Variants in STPG2 observed in about 807,000 individuals in gnomAD.
STPG2 encodes sperm tail PG-rich repeat containing 2.
Under a neutral mutation model 54.2 loss-of-function variants are expected in STPG2, and 56 were observed. The observed-to-expected ratio is 1.03, with a 90% CI of 0.83 to 1.29. The LOEUF (loss-of-function observed/expected upper bound fraction) is 1.29. Ranked by LOEUF, STPG2 falls within the 50% of genes most tolerant of loss-of-function variation. The probability of loss-of-function intolerance (pLI) is 0.00; values close to 1 mark genes in which losing one functional copy is unlikely to be tolerated. For synonymous variants in STPG2, 200 were observed against 181.8 expected (o/e 1.10, Z -0.81); for missense variants, 596 against 544.9 (o/e 1.09, Z -0.93).
chr4:97,807,940 T>A (rs562547038), intron 9 of STPG2, among the ~76,000 whole-genome samples: 3 of 152,106 alleles, frequency 2.0e-5, no homozygotes, highest in African/African-American at 7.2e-5. Context: ...AATATTTAAA[T>A]AGACAGTATT....
intron 9 of STPG2, among the ~76,000 whole-genome samples, chr4:97,799,735 G>C (rs992097446): frequency 6.6e-6 from 1 of 151,790 alleles, no homozygotes; most frequent in Non-Finnish European, 1.5e-5. Flanking sequence ...GGCCTGCCTT[G>C]CTAGGTTGGC....
intron 8 of STPG2, among the ~76,000 whole-genome samples, chr4:97,937,913 G>T (rs1034070175): frequency 5.9e-5 from 9 of 152,200 alleles, no homozygotes; most frequent in Non-Finnish European, 1.0e-4. Flanking sequence ...GCTGTCGCTT[G>T]GTTGAGGGGG....
At chr4:97,941,813 T>C (rs973062176) in intron 8 of STPG2, among the ~76,000 whole-genome samples, 2 of 152,010 alleles carry the variant, frequency 1.3e-5, no homozygotes, top group African/African-American at 4.8e-5. Context: ...TACATACACA[T>C]TATACACCCA....
chr4:97,511,995 AAAG>A (rs1360177554), intron 4 of STPG2, among the ~76,000 whole-genome samples: 1 of 152,130 alleles, frequency 6.6e-6, no homozygotes, highest in Non-Finnish European at 1.5e-5. Flanking sequence ...CTTTACTAGG[AAAG>A]GACCTGCATG....
chr4:97,935,968 T>C (rs1196357779), intron 8 of STPG2, among the ~76,000 whole-genome samples: 1 of 150,632 alleles, frequency 6.6e-6, no homozygotes, highest in Non-Finnish European at 1.5e-5. Context: ...GTCTAATGTT[T>C]ACAGTGAGGT....
At chr4:97,879,432 C>T (rs766017636) in intron 8 of STPG2, among the ~76,000 whole-genome samples, 19 of 152,050 alleles carry the variant, frequency 1.2e-4, no homozygotes, top group Non-Finnish European at 2.2e-4. Context: ...TGGGGGAGGC[C>T]TCACAATCAT....
At chr4:98,025,651 G>A (rs1051507485) in intron 5 of STPG2, 1 of 911,906 alleles carries the variant, frequency 1.1e-6, no homozygotes, top group Non-Finnish European at 1.8e-6. Context: ...ATGGTATGAA[G>A]GATGGCCTAA....
chr4:97,935,147 G>A (rs1399201343), intron 8 of STPG2, among the ~76,000 whole-genome samples: 2 of 152,126 alleles, frequency 1.3e-5, no homozygotes, highest in Non-Finnish European at 2.9e-5. Context: ...TTGCATAGAG[G>A]TGTTTATAGT....
intron 5 of STPG2, among the ~76,000 whole-genome samples, chr4:97,994,743 T>C (rs548412538): frequency 2.0e-5 from 3 of 152,258 alleles, no homozygotes; most frequent in South Asian, 4.1e-4. Flanking sequence ...CTTGATTGTA[T>C]TTTTGTTAAG....
intron 5 of STPG2, among the ~76,000 whole-genome samples, chr4:98,057,710 A>AGT (rs1276626275): frequency 6.6e-6 from 1 of 152,192 alleles, no homozygotes; most frequent in African/African-American, 2.4e-5. Context: ...AGAGAACCCC[A>AGT]GTAAGATATT....
chr4:97,591,124 T>A (rs1252661918), intron 10 of STPG2, among the ~76,000 whole-genome samples: 2 of 152,120 alleles, frequency 1.3e-5, no homozygotes, highest in Non-Finnish European at 2.9e-5. Context: ...ACAGAAGATA[T>A]TAATATTAGT....
intron 5 of STPG2, among the ~76,000 whole-genome samples, chr4:97,994,970 TTGCTGTGGC>T (rs915197153): frequency 7.9e-5 from 12 of 152,088 alleles, no homozygotes; most frequent in African/African-American, 2.9e-4. Flanking sequence ...TGGGTAGGAC[TTGCTGTGGC>T]TGCTGTGAGA....
chr4:97,908,763 G>T (rs1306007504), intron 8 of STPG2, among the ~76,000 whole-genome samples: 4 of 148,746 alleles, frequency 2.7e-5, no homozygotes, highest in Non-Finnish European at 5.9e-5. Flanking sequence ...ACTATCGCAA[G>T]AACAAAAAAC....
intron 9 of STPG2, among the ~76,000 whole-genome samples, chr4:97,755,595 T>A (rs758554254): frequency 6.6e-6 from 1 of 152,198 alleles, no homozygotes; most frequent in Non-Finnish European, 1.5e-5. Context: ...GATATGTTTA[T>A]AAACTATCTG....
chr4:97,452,189 C>G (rs1261594684), intron 4 of STPG2, among the ~76,000 whole-genome samples: 3 of 146,522 alleles, frequency 2.0e-5, no homozygotes, highest in African/African-American at 7.5e-5. Flanking sequence ...CAGACTCAGG[C>G]ATCCCTACAC....
At chr4:97,526,429 A>G (rs1181467713) in intron 4 of STPG2, among the ~76,000 whole-genome samples, 1 of 152,092 alleles carries the variant, frequency 6.6e-6, no homozygotes, top group African/African-American at 2.4e-5. Flanking sequence ...GGACTACTAT[A>G]AAGTAGAAAA....
intron 7 of STPG2, among the ~76,000 whole-genome samples, chr4:97,971,460 T>A (rs1411729257): frequency 1.3e-5 from 2 of 152,148 alleles, no homozygotes; most frequent in Admixed American, 6.5e-5. Flanking sequence ...CACCATGGAA[T>A]ACTATGCAGC....
rs7683527 is a variant in STPG2 at position 98,140,356 on chromosome 4, T to C, written c.109+2686A>G. On this transcript the variant is annotated intron_variant, in intron 1 of 10. Transcript: ENST00000295268. ...TAACCTTGATATTACAAAGGATTTT[T>C]TTTTCACAAATAATGTAATATATCT... 6.1e-3 allele frequency among the ~76,000 whole-genome samples: 933 copies of C among 152,262 alleles called. 5 individuals are homozygous for C. Among genetic ancestry groups the C allele is most frequent in the Middle Eastern group, 0.02 (6 of 294 alleles).
chr4:98,045,286 G>T (rs557938709), intron 5 of STPG2, among the ~76,000 whole-genome samples: 45 of 152,162 alleles, frequency 3.0e-4, no homozygotes, highest in African/African-American at 1.1e-3. Flanking sequence ...GCTGGTTTTA[G>T]GTCTTGATTT....
Sources: allele counts gnomAD v4.1 joint callset (sites outside exome capture counted in the v4.1 genomes callset), GRCh38; gene constraint gnomAD v4.1.1; transcripts MANE v1.5; gene names NCBI Gene and HGNC (gene_info 2026-07-23, HGNC 2026-07-21).